Variants in PTK2 observed in about 807,000 individuals in gnomAD.
The protein encoded by PTK2 is protein tyrosine kinase 2.
In PTK2, 45 loss-of-function variants were observed where a neutral mutation model predicts 150.1. The observed-to-expected ratio is 0.30, with a 90% CI of 0.24 to 0.38. The LOEUF is 0.38. Among genes scored for constraint, PTK2 ranks in the 10% least tolerant of loss-of-function variants. The probability of loss-of-function intolerance (pLI) is 1.00; values close to 1 mark genes in which losing one functional copy is unlikely to be tolerated. For missense variants in PTK2, 919 were observed against 1,307.3 expected (o/e 0.70, Z 4.58); for synonymous variants, 432 against 449.2 (o/e 0.96, Z 0.48).
intron 3 of PTK2, among the ~76,000 whole-genome samples, chr8:140,882,115 C>A (rs2100149477): frequency 6.6e-6 from 1 of 152,194 alleles, no homozygotes; most frequent in African/African-American, 2.4e-5. Context: ...TGTCCTACTG[C>A]TCATTCTCTA....
intron 14 of PTK2, among the ~76,000 whole-genome samples, chr8:140,778,664 T>A (rs1321384788): frequency 6.6e-6 from 1 of 152,218 alleles, no homozygotes; most frequent in Non-Finnish European, 1.5e-5. Context: ...GAGCTGGCTT[T>A]AACTTGGCCA....
chr8:140,792,607 A>G (rs1000783336), intron 13 of PTK2, among the ~76,000 whole-genome samples: 5 of 152,240 alleles, frequency 3.3e-5, no homozygotes, highest in Admixed American at 6.5e-5. Context: ...CGGGGGAGAC[A>G]CAGTGGGAAG....
chr8:140,660,336 C>T (rs763280167), intron 31 of PTK2, among the ~76,000 whole-genome samples: 2 of 152,196 alleles, frequency 1.3e-5, no homozygotes, highest in Non-Finnish European at 2.9e-5. Flanking sequence ...AGTCTCCAAG[C>T]CAGGACAAAA....
intron 1 of PTK2, among the ~76,000 whole-genome samples, chr8:140,995,715 T>TA (rs1423812275): frequency 4.0e-5 from 6 of 151,408 alleles, no homozygotes; most frequent in African/African-American, 1.5e-4. Context: ...AGGCAGAAGG[T>TA]TTCAGTGAGC....
chr8:140,897,973 A>G (rs2100156955), intron 2 of PTK2, among the ~76,000 whole-genome samples: 1 of 152,206 alleles, frequency 6.6e-6, no homozygotes, highest in South Asian at 2.1e-4. Flanking sequence ...ACTACATAAT[A>G]TCTTTTTCAA....
chr8:140,941,410 G>A (rs556786932), intron 1 of PTK2, among the ~76,000 whole-genome samples: 1 of 152,284 alleles, frequency 6.6e-6, no homozygotes, highest in South Asian at 2.1e-4. Flanking sequence ...AGACACAGAA[G>A]AGCATATGCA....
At chr8:140,981,380 G>A (rs1459894658) in intron 1 of PTK2, among the ~76,000 whole-genome samples, 1 of 152,162 alleles carries the variant, frequency 6.6e-6, no homozygotes, top group African/African-American at 2.4e-5. Flanking sequence ...TGTGAGGGGT[G>A]GGAGTGGGAT....
At chr8:140,768,639 G>A (rs1397205394) in intron 14 of PTK2, among the ~76,000 whole-genome samples, 2 of 152,170 alleles carry the variant, frequency 1.3e-5, no homozygotes, top group Non-Finnish European at 2.9e-5. Flanking sequence ...AAACAGTGAG[G>A]ACAATACCCA....
At chr8:140,793,475 T>C in intron 12 of PTK2, 91 bp from the exon 13 acceptor site, 6 of 1,375,310 alleles carry the variant, frequency 4.4e-6, no homozygotes, top group Admixed American at 2.2e-5. Flanking sequence ...ATGAGGCCTA[T>C]ACTGGTATTC....
chr8:140,996,377 C>T (rs140233605), intron 1 of PTK2, among the ~76,000 whole-genome samples: 68 of 152,300 alleles, frequency 4.5e-4, no homozygotes, highest in Non-Finnish European at 6.9e-4. Context: ...AGCAAGTTAT[C>T]GAGAAGATCT....
At chr8:140,779,403 T>C (rs1158551349) in intron 14 of PTK2, among the ~76,000 whole-genome samples, 1 of 152,026 alleles carries the variant, frequency 6.6e-6, no homozygotes, top group African/African-American at 2.4e-5. Flanking sequence ...CTTGTTCTGA[T>C]ATGTGAGATT....
intron 14 of PTK2, among the ~76,000 whole-genome samples, chr8:140,776,059 C>G (rs1170459177): frequency 6.6e-6 from 1 of 152,180 alleles, no homozygotes; most frequent in Non-Finnish European, 1.5e-5. Context: ...GGCTGGAGTG[C>G]AGTGGCGTGA....
chr8:140,858,835 G>T (rs1257873138), intron 5 of PTK2, among the ~76,000 whole-genome samples: 1 of 152,160 alleles, frequency 6.6e-6, no homozygotes, highest in African/African-American at 2.4e-5. Context: ...TATGTGCAAG[G>T]TGATGAAACA....
intron 1 of PTK2, among the ~76,000 whole-genome samples, chr8:140,938,526 C>T (rs184453069): frequency 1.4e-4 from 22 of 152,306 alleles, no homozygotes; most frequent in South Asian, 1.0e-3. Flanking sequence ...CTAGACTGAT[C>T]ACCCTGGTGT....
At chr8:140,893,831 A>G (rs2154607484) in intron 2 of PTK2, among the ~76,000 whole-genome samples, 1 of 152,264 alleles carries the variant, frequency 6.6e-6, no homozygotes, top group African/African-American at 2.4e-5. Context: ...CTGTCAAATA[A>G]TTTTTTTAAA....
At chr8:140,992,173 T>C (rs1488911566) in intron 1 of PTK2, among the ~76,000 whole-genome samples, 2 of 150,830 alleles carry the variant, frequency 1.3e-5, no homozygotes, top group East Asian at 2.0e-4. Context: ...GCGCCTGTAA[T>C]CATAGCTACT....
chr8:140,881,254 C>T (rs982618181), intron 3 of PTK2, among the ~76,000 whole-genome samples: 1 of 152,208 alleles, frequency 6.6e-6, no homozygotes, highest in Non-Finnish European at 1.5e-5. Flanking sequence ...AAAGAGTCCA[C>T]GTTCTAGTCT....
chr8:140,744,728 G>A (rs2100057684), exon 19 of PTK2: 1 of 1,596,396 alleles, frequency 6.3e-7, no homozygotes, highest in Middle Eastern at 1.7e-4. Context: ...AAAGATGCTA[G>A]ATCCAAACTG....
chr8:140,825,233 G>A (rs2100111120), intron 8 of PTK2, among the ~76,000 whole-genome samples: 1 of 152,140 alleles, frequency 6.6e-6, no homozygotes, highest in African/African-American at 2.4e-5. Context: ...TGTAAGCAGA[G>A]GCCAGGTTTC....
Sources: gnomAD v4.1 joint callset for allele counts (sites outside exome capture counted in the v4.1 genomes callset) on GRCh38, gnomAD v4.1.1 for gene constraint, MANE v1.5 for transcripts, NCBI Gene and HGNC (gene_info 2026-07-23, HGNC 2026-07-21) for gene names.